The following RNF213 variants were observed in gnomAD, a reference collection of about 807,000 sequenced individuals.
RNF213 encodes the protein ring finger protein 213, also known as E3 ubiquitin-protein ligase RNF213.
RNF213 carries 341 observed loss-of-function variants against 514.4 expected under a neutral mutation model. The ratio of observed to expected loss-of-function variants is 0.66; its 90% CI spans 0.61 to 0.73. RNF213 has a LOEUF of 0.73. RNF213 is among the 30% of genes least tolerant of loss of function. RNF213 has a pLI of 0.00. For synonymous variants in RNF213, 2,655 were observed against 2,658.2 expected, an observed-to-expected ratio of 1.00 and a Z score of 0.04; for missense variants, 5,767 against 6,615.6, an observed-to-expected ratio of 0.87 and a Z score of 4.45.
chr17:80,361,773 C>A lies in RNF213; in HGVS notation c.11240C>A (p.Pro3747His), dbSNP rs377493355. 2.5e-6 allele frequency: 4 copies of A among 1,613,932 alleles called. No homozygotes were observed. Among genetic ancestry groups the A allele is most frequent in the African/African-American group, 2.7e-5 (2 of 74,930 alleles). ...KKFVDIFQQT[P>H]LGRFLAQLHG... ...TTCGTGGACATCTTTCAGCAGACTC[C>A]TCTGGGCAGGTTTCTTGCCCAGCTC... Residue 3747 changes from proline to histidine, a missense_variant, in exon 39 of 68, where the codon CCT becomes CAT. Pro to His is a moderately conservative substitution (Grantham distance 77). Transcript: ENST00000582970.
In RNF213 at chr17:80,390,013, A is replaced by G; in HGVS notation, c.15287A>G (p.Glu5096Gly). 1 of 1,614,174 alleles carries G rather than the reference A, an allele frequency of 6.2e-7. No homozygotes were observed. Among genetic ancestry groups the G allele is most frequent in the South Asian group, 1.1e-5 (1 of 91,080 alleles). Residue 5096 changes from glutamate to glycine, a missense_variant and splice_region_variant, in exon 67 of 68, where the codon GAG becomes GGG. Glu to Gly is a moderately conservative substitution (Grantham distance 98). Around this residue, in one of 13 missense-constraint regions of RNF213, gnomAD observed 1,245 missense variants for 1,339.0 expected, o/e 0.93. Transcript: ENST00000582970. ...KSEQLLRLHK[E>G]PFGEISSRYK... ...TCATTTGCTCTTCCGTCGTTTTAGG[A>G]GCCATTTGGGGAAATCAGTTCAAGG...
intron 62 of RNF213, 118 bp from the exon 63 acceptor site, chr17:80,386,572 C>A: frequency 7.1e-7 from 1 of 1,411,086 alleles, no homozygotes. Context: ...CCGCCCCATA[C>A]TTGGGTAGGG....
chr17:80,378,661 A>G (rs977465118), intron 54 of RNF213, among the ~76,000 whole-genome samples: 3 of 152,122 alleles, frequency 2.0e-5, no homozygotes, highest in Non-Finnish European at 4.4e-5. Flanking sequence ...CGGAGGGAGA[A>G]AAACTGTTAC....
rs375777559 is a variant in RNF213, at chr17:80,385,419, A to G, written c.14456-119A>G. On this transcript the variant is annotated intron_variant, in intron 60 of 67. Coordinates refer to ENST00000582970, the MANE Select transcript of RNF213 (RefSeq NM_001256071.3). ...CACTCCTTCAAACAGCACCTCAGAC[A>G]TGCTTGTGACTGCACAAAGCAGGAA... 2.6e-5 allele frequency: 25 copies of G among 972,492 alleles called. 1 individual carries two copies. In the East Asian group the frequency reaches 3.9e-4, roughly 15 times the overall value. 60.2% of individuals were successfully genotyped at this position (972,492 alleles called of 1,614,324 possible).
At chr17:80,351,377 G>T (rs1015010470) in intron 31 of RNF213, among the ~76,000 whole-genome samples, 4 of 152,254 alleles carry the variant, frequency 2.6e-5, no homozygotes, top group Non-Finnish European at 5.9e-5. Flanking sequence ...CACCGGGGCA[G>T]GCCCATTGAG....
chr17:80,397,852 C>T lies in RNF213; in HGVS notation c.*4354C>T, dbSNP rs1437948585. On this transcript the variant is annotated 3_prime_UTR_variant, in exon 68 of 68. Transcript: ENST00000582970. Reference sequence around the variant, plus strand: ...GAGGCAGCCCCTCAGACGGCTTAGGCCTGCCCTGTGGAGCATCCCTGTGGA... The same window carrying T: ...GAGGCAGCCCCTCAGACGGCTTAGGTCTGCCCTGTGGAGCATCCCTGTGGA... The T allele has an allele frequency of 6.7e-6, 1 of 148,974 alleles. No individual in the cohort carries two copies. The highest frequency in any genetic ancestry group is 1.5e-5 in the Non-Finnish European group (1 of 67,612). The allele number at this position is 148,974 out of a possible 1,614,324, so 9.2% of individuals were successfully genotyped here. A position where few individuals can be genotyped will look rare whatever the true frequency, so the allele number is the denominator to read the frequency against.
chr17:80,325,815 C>G (rs1338449812), intron 18 of RNF213, among the ~76,000 whole-genome samples: 1 of 152,086 alleles, frequency 6.6e-6, no homozygotes, highest in Non-Finnish European at 1.5e-5. Context: ...GGATGTGGAA[C>G]AGCCAAAATC....
intron 1 of RNF213, among the ~76,000 whole-genome samples, chr17:80,261,995 G>A (rs1484905091): frequency 6.6e-6 from 1 of 151,396 alleles, no homozygotes; most frequent in Non-Finnish European, 1.5e-5. Context: ...CAGCCTGGGT[G>A]AAACTGTCAA....
chr17:80,265,987 T>C (rs572373593), intron 2 of RNF213, among the ~76,000 whole-genome samples: 1 of 152,240 alleles, frequency 6.6e-6, no homozygotes, highest in Admixed American at 6.5e-5. Flanking sequence ...GGGAAGCCCA[T>C]GGCCAGGCTG....
At chr17:80,351,511 G>C (rs904820370) in intron 31 of RNF213, among the ~76,000 whole-genome samples, 174 bp from the exon 32 acceptor site, 2 of 152,346 alleles carry the variant, frequency 1.3e-5, no homozygotes, top group South Asian at 4.1e-4. Context: ...AAGAAATCAC[G>C]ATCGCAGGGC....
chr17:80,365,867 A>C lies in RNF213; in HGVS notation c.11871+1314A>C, dbSNP rs561929653. ...ATAAGGGCCAGGTGCCCATAAACCC[A>C]AAGGTAAAGGAGCTGGCCCCTGCCT... On this transcript the variant is annotated intron_variant, in intron 42 of 67. Transcript: ENST00000582970. Among the ~76,000 whole-genome samples, 7 of 152,326 alleles carry C rather than the reference A, an allele frequency of 4.6e-5. No homozygotes were observed. The East Asian group carries it at 1.4e-3, about 29-fold the overall frequency.
chr17:80,372,851 T>G, intron 48 of RNF213, 117 bp downstream of exon 48: 4 of 1,351,676 alleles, frequency 3.0e-6, no homozygotes, highest in Non-Finnish European at 4.1e-6. Flanking sequence ...CTACATCCCC[T>G]CTCCCCTGGA....
At chr17:80,381,142 C>A (rs1484773726) in intron 56 of RNF213, 155 bp downstream of exon 56, 1 of 823,160 alleles carries the variant, frequency 1.2e-6, no homozygotes. Flanking sequence ...CTTCATGTTT[C>A]CCCCTGTGGC....
chr17:80,305,458 G>T (rs145480652), intron 11 of RNF213, among the ~76,000 whole-genome samples: 1 of 151,592 alleles, frequency 6.6e-6, no homozygotes, highest in African/African-American at 2.4e-5. Flanking sequence ...GATTACAGAC[G>T]TGAGCCACTG....
At chr17:80,384,492 G>C (rs181633044) in intron 59 of RNF213, among the ~76,000 whole-genome samples, 128 of 152,276 alleles carry the variant, frequency 8.4e-4, no homozygotes, top group Non-Finnish European at 1.6e-3. Flanking sequence ...TTCTCTCCAT[G>C]GACTATTATT....
chr17:80,361,525 A>G lies in RNF213; in HGVS notation c.11201-209A>G, dbSNP rs533631638. ...GGCAACAGAGTAAGACTCCATCTCC[A>G]AAAAAAAGGAAAAAGAAAAATATCC... On this transcript the variant is annotated intron_variant, in intron 38 of 67. Transcript: ENST00000582970. 4.6e-5 allele frequency among the ~76,000 whole-genome samples: 7 copies of G among 152,006 alleles called. No individual in the cohort carries two copies. The East Asian group carries it at 1.2e-3, about 25-fold the overall frequency.
chr17:80,327,726 A>G (rs771624513), intron 18 of RNF213, 90 bp from the exon 19 acceptor site: 61 of 1,165,348 alleles, frequency 5.2e-5, no homozygotes, highest in Non-Finnish European at 6.7e-5. Context: ...GTGGGGGCAG[A>G]ACAAGAGGTT....
intron 20 of RNF213, among the ~76,000 whole-genome samples, chr17:80,329,233 T>C (rs2046352702): frequency 6.6e-6 from 1 of 152,250 alleles, no homozygotes; most frequent in Non-Finnish European, 1.5e-5. Flanking sequence ...CTCACTGGCT[T>C]CCTGAGAAAA....
chr17:80,324,954 G>T, intron 17 of RNF213, 76 bp from the exon 18 acceptor site: 2 of 1,351,712 alleles, frequency 1.5e-6, no homozygotes, highest in Non-Finnish European at 2.0e-6. Context: ...TATCGAGTAG[G>T]TAATTTGCTT....
Sources: allele counts gnomAD v4.1 joint callset (sites outside exome capture counted in the v4.1 genomes callset), GRCh38; gene constraint gnomAD v4.1.1; regional missense constraint gnomAD v4.1.1; transcripts MANE v1.5; gene names NCBI Gene and HGNC (gene_info 2026-07-23, HGNC 2026-07-21).